Variants in NXPE1 observed in about 807,000 individuals in gnomAD.
The protein encoded by NXPE1 is NXPE family member 1.
Under a neutral mutation model 33.3 loss-of-function variants are expected in NXPE1, and 31 were observed. The observed-to-expected ratio is 0.93, with a 90% confidence interval of 0.70 to 1.26. The LOEUF is 1.26. Ranked by LOEUF, NXPE1 falls within the 50% of genes most tolerant of loss-of-function variation. NXPE1 has a pLI of 0.00. For missense variants in NXPE1, 661 were observed against 655.6 expected (o/e 1.01, Z -0.09); for synonymous variants, 229 against 231.4 (o/e 0.99, Z 0.09).
At chr11:114,525,617 G>A (rs755550218) in intron 7 of NXPE1, among the ~76,000 whole-genome samples, 2 of 152,138 alleles carry the variant, frequency 1.3e-5, no homozygotes, top group Non-Finnish European at 2.9e-5. Context: ...GTAAGTGCCT[G>A]TTTTTCCCTT....
Position 114,555,811 on chromosome 11 carries a change from T to C in NXPE1, c.-210-2931A>G, listed in dbSNP as rs183067800. Among the ~76,000 whole-genome samples the C allele has an allele frequency of 3.0e-3, 454 of 152,350 alleles. 3 individuals carry two copies. Among genetic ancestry groups the C allele is most frequent in the African/African-American group, 0.011 (440 of 41,592 alleles). ...CTCTTTTGTGTCTGGCTTCTTGGACTTATGATTATGTTTTTGAAGATTCAT... is the reference window on the plus strand; with the variant it reads ...CTCTTTTGTGTCTGGCTTCTTGGACCTATGATTATGTTTTTGAAGATTCAT... On this transcript the variant is annotated intron_variant, in intron 1 of 8. Transcript: ENST00000534921.
At chr11:114,553,479 G>A (rs547558534) in intron 1 of NXPE1, among the ~76,000 whole-genome samples, 2 of 152,300 alleles carry the variant, frequency 1.3e-5, no homozygotes, top group African/African-American at 4.8e-5. Context: ...AGTGGCCAGA[G>A]AGCTTCTTTG....
intron 1 of NXPE1, among the ~76,000 whole-genome samples, chr11:114,555,492 T>C (rs1948627188): frequency 1.3e-5 from 2 of 152,202 alleles, no homozygotes; most frequent in African/African-American, 2.4e-5. Context: ...CCCAAAGTGC[T>C]GGGATTACAG....
At chr11:114,551,345 G>T in intron 4 of NXPE1, 38 bp downstream of exon 4, 1 of 1,401,206 alleles carries the variant, frequency 7.1e-7, no homozygotes, top group African/African-American at 1.5e-5. Flanking sequence ...CTTTCCCTCT[G>T]CTAACTAACA....
At position 114,530,909 on chromosome 11, in the gene NXPE1, C is replaced by A. The variant is rs1172260755; in HGVS notation, c.100-1G>T. On this transcript the variant is annotated splice_acceptor_variant, in intron 5 of 8. Transcript: ENST00000534921. LOFTEE classifies it high-confidence loss of function. ...TGGATAAGTTTAGAGCAGACCAAAGCTGAAATGACAAGGATTGTGATATAC... is the reference window on the plus strand; with the variant it reads ...TGGATAAGTTTAGAGCAGACCAAAGATGAAATGACAAGGATTGTGATATAC... 1.9e-5 allele frequency: 31 copies of A among 1,600,952 alleles called. No homozygotes were observed. The highest frequency in any genetic ancestry group is 2.2e-5 in the Non-Finnish European group (26 of 1,175,236).
At chr11:114,529,819 TG>T (rs1023052461) in intron 6 of NXPE1, 1 of 214,970 alleles carries the variant, frequency 4.7e-6, no homozygotes, top group Non-Finnish European at 9.3e-6. Context: ...GCACTGTGCG[TG>T]GGGGGAAATG....
At chr11:114,549,898 A>T (rs116928201) in intron 5 of NXPE1, among the ~76,000 whole-genome samples, 1 of 150,098 alleles carries the variant, frequency 6.7e-6, no homozygotes. Context: ...AATAATATAT[A>T]AAAAAATAGC....
chr11:114,524,709 T>G (rs1187230898), intron 7 of NXPE1, among the ~76,000 whole-genome samples: 1 of 152,226 alleles, frequency 6.6e-6, no homozygotes, highest in Non-Finnish European at 1.5e-5. Context: ...AACATAGCCT[T>G]TAAGTGTATT....
chr11:114,537,883 TC>T (rs1947901188), intron 5 of NXPE1, among the ~76,000 whole-genome samples: 1 of 151,942 alleles, frequency 6.6e-6, no homozygotes, highest in Non-Finnish European at 1.5e-5. Flanking sequence ...TTCAATGCCA[TC>T]CCCATCAAGC....
chr11:114,559,016 C>G (rs1159663769), intron 1 of NXPE1, among the ~76,000 whole-genome samples: 1 of 152,088 alleles, frequency 6.6e-6, no homozygotes, highest in Non-Finnish European at 1.5e-5. Context: ...ATACAACTCA[C>G]TAGATTTACC....
intron 5 of NXPE1, among the ~76,000 whole-genome samples, chr11:114,549,246 CA>C (rs1456520907): frequency 6.6e-6 from 1 of 151,880 alleles, no homozygotes; most frequent in Non-Finnish European, 1.5e-5. Flanking sequence ...CAAATAAAAA[CA>C]AAAAGCTTCC....
chr11:114,554,459 A>G, intron 1 of NXPE1: 2 of 813,696 alleles, frequency 2.5e-6, no homozygotes, highest in Non-Finnish European at 1.5e-6. Context: ...AATCAGTCCT[A>G]TGACCTCTTT....
chr11:114,532,747 G>T (rs776464161), intron 5 of NXPE1, among the ~76,000 whole-genome samples: 1 of 152,070 alleles, frequency 6.6e-6, no homozygotes, highest in South Asian at 2.1e-4. Context: ...ACATATAAAA[G>T]TATATAGGTA....
chr11:114,535,049 C>A (rs1947749687), intron 5 of NXPE1, among the ~76,000 whole-genome samples: 1 of 152,180 alleles, frequency 6.6e-6, no homozygotes, highest in Non-Finnish European at 1.5e-5. Flanking sequence ...GGGTTACCCA[C>A]AAAGGGAAGC....
At chr11:114,537,425 G>A (rs1429516557) in intron 5 of NXPE1, among the ~76,000 whole-genome samples, 3 of 152,090 alleles carry the variant, frequency 2.0e-5, no homozygotes, top group Non-Finnish European at 2.9e-5. Context: ...TGGAAGTTCT[G>A]GCCAAGAAAA....
chr11:114,526,272 T>A (rs1283173282), intron 7 of NXPE1, among the ~76,000 whole-genome samples: 2 of 152,232 alleles, frequency 1.3e-5, no homozygotes, highest in African/African-American at 2.4e-5. Context: ...GACTACAGAC[T>A]ATAAGATGAT....
chr11:114,540,689 A>G (rs1948060451), intron 5 of NXPE1, among the ~76,000 whole-genome samples: 1 of 152,084 alleles, frequency 6.6e-6, no homozygotes, highest in African/African-American at 2.4e-5. Context: ...CCTGAAGGCT[A>G]AAGACAGTGA....
At chr11:114,533,293 C>T (rs1241684978) in intron 5 of NXPE1, among the ~76,000 whole-genome samples, 2 of 152,252 alleles carry the variant, frequency 1.3e-5, no homozygotes, top group Non-Finnish European at 2.9e-5. Flanking sequence ...ATAGACAATA[C>T]ATTCGAGCGG....
At chr11:114,524,246 G>A (rs1947299634) in intron 7 of NXPE1, among the ~76,000 whole-genome samples, 2 of 144,446 alleles carry the variant, frequency 1.4e-5, no homozygotes, top group South Asian at 4.4e-4. Context: ...CTAGATATAA[G>A]AAAGGATAGC....
Sources: allele counts gnomAD v4.1 joint callset (sites outside exome capture counted in the v4.1 genomes callset), GRCh38; gene constraint gnomAD v4.1.1; transcripts MANE v1.5; gene names NCBI Gene and HGNC (gene_info 2026-07-23, HGNC 2026-07-21).